Variants in VPS13B observed in about 807,000 individuals in gnomAD.
The protein encoded by VPS13B is intermembrane lipid transfer protein VPS13B.
VPS13B carries 285 observed loss-of-function variants against 426.4 expected under a neutral mutation model. That is an observed-to-expected ratio of 0.67 (90% CI 0.61 to 0.74). The LOEUF (loss-of-function observed/expected upper bound fraction) is 0.74. Ranked by LOEUF, VPS13B falls within the 30% of genes least tolerant of loss-of-function variation. VPS13B has a pLI of 0.00. For synonymous variants in VPS13B, 1,676 were observed against 1,676.4 expected, an observed-to-expected ratio of 1.00 and a Z score of 0.01; for missense variants, 4,537 against 4,782.6, an observed-to-expected ratio of 0.95 and a Z score of 1.51.
Position 99,671,512 on chromosome 8 carries a change from G to A in VPS13B, c.6046+10021G>A, listed in dbSNP as rs568848305. Among the ~76,000 whole-genome samples, 4 of 152,178 alleles carry A rather than the reference G, an allele frequency of 2.6e-5. No individual in the cohort carries two copies. The East Asian group carries it at 5.8e-4, about 22-fold the overall frequency. The stretch of plus-strand genomic sequence containing the variant: ...TCCTATTTTTGCTTTTGTTGCTGGT[G>A]CTTTTCAGATAATATCCAGAAAATC... On this transcript the variant is annotated intron_variant, in intron 35 of 61. Coordinates refer to ENST00000357162, the MANE Select transcript of VPS13B (RefSeq NM_152564.5).
intron 14 of VPS13B, among the ~76,000 whole-genome samples, chr8:99,153,080 G>A (rs565104577): frequency 9.9e-5 from 15 of 152,208 alleles, no homozygotes; most frequent in Non-Finnish European, 1.3e-4. Flanking sequence ...TGAGGTGAGC[G>A]GATCACCTGA....
At chr8:99,136,875 G>A (rs1810097864) in intron 12 of VPS13B, 123 bp downstream of exon 12, 1 of 942,658 alleles carries the variant, frequency 1.1e-6, no homozygotes, top group Non-Finnish European at 1.7e-6. Context: ...TAGTACTTTG[G>A]GGAGTGGTTT....
intron 34 of VPS13B, 112 bp downstream of exon 34, chr8:99,642,610 C>A: frequency 1.1e-6 from 1 of 939,882 alleles, no homozygotes; most frequent in Non-Finnish European, 1.6e-6. Flanking sequence ...AGTCTTTTCT[C>A]TACAGAATAT....
At chr8:99,844,649 C>A (rs1394892368) in intron 54 of VPS13B, among the ~76,000 whole-genome samples, 1 of 152,154 alleles carries the variant, frequency 6.6e-6, no homozygotes, top group Non-Finnish European at 1.5e-5. Flanking sequence ...AGATTACAGG[C>A]GTGAGCTACC....
chr8:99,044,916 G>A (rs1206379084), intron 3 of VPS13B, among the ~76,000 whole-genome samples: 2 of 139,826 alleles, frequency 1.4e-5, no homozygotes, highest in African/African-American at 2.8e-5. Context: ...CCGCCCCCAC[G>A]GTTTCTTTAT....
chr8:99,111,238 A>G lies in VPS13B; in HGVS notation c.721A>G (p.Thr241Ala). ...TTCCTTCAGAACTCGTCTTCATTTT[A>G]CATATGAAAACCTAAATTCCAAGAT... The part of the protein sequence containing the change: ...KCSFRTRLHF[T>A]YENLNSKMPS... The change falls in exon 6 of 62, where the codon ACA (threonine) becomes GCA (alanine). Residue 241 changes from threonine to alanine, a missense_variant. Thr to Ala is a moderately conservative substitution (Grantham distance 58). Around this residue, in one of 2 missense-constraint regions of VPS13B, gnomAD observed 226 missense variants for 308.3 expected, o/e 0.73. Transcript: ENST00000357162. The G allele has an allele frequency of 2.5e-6, 4 of 1,603,142 alleles. No homozygotes were observed. The highest frequency in any genetic ancestry group is 3.4e-6 in the Non-Finnish European group (4 of 1,175,944).
chr8:99,530,914 A>G (rs1204732838), intron 30 of VPS13B, among the ~76,000 whole-genome samples: 1 of 152,172 alleles, frequency 6.6e-6, no homozygotes, highest in African/African-American at 2.4e-5. Flanking sequence ...CGCTGCCTGT[A>G]TCTGAGTTTC....
intron 17 of VPS13B, among the ~76,000 whole-genome samples, chr8:99,240,168 G>C (rs1253193354): frequency 6.6e-6 from 1 of 152,084 alleles, no homozygotes; most frequent in Non-Finnish European, 1.5e-5. Context: ...ACTGCCAGGT[G>C]GACTCTGGGC....
intron 21 of VPS13B, among the ~76,000 whole-genome samples, chr8:99,394,007 A>G (rs749665362): frequency 3.3e-5 from 5 of 152,044 alleles, no homozygotes; most frequent in South Asian, 2.1e-4. Context: ...GAGTTTGTTA[A>G]GGTATTCATA....
chr8:99,786,911 T>A (rs1812300659), intron 43 of VPS13B, among the ~76,000 whole-genome samples: 1 of 152,154 alleles, frequency 6.6e-6, no homozygotes, highest in South Asian at 2.1e-4. Flanking sequence ...TCTGCTGTGT[T>A]CTAATGAGAG....
chr8:99,664,642 T>A (rs1314784970), intron 35 of VPS13B, among the ~76,000 whole-genome samples: 1 of 152,198 alleles, frequency 6.6e-6, no homozygotes, highest in Non-Finnish European at 1.5e-5. Flanking sequence ...ACAAAGGACA[T>A]GAACTCATCC....
chr8:99,507,570 A>G (rs1313396030), intron 28 of VPS13B, among the ~76,000 whole-genome samples: 1 of 152,256 alleles, frequency 6.6e-6, no homozygotes, highest in Non-Finnish European at 1.5e-5. Context: ...ATTTTATACT[A>G]AAAGCAATTA....
intron 25 of VPS13B, among the ~76,000 whole-genome samples, chr8:99,490,096 A>G (rs944969957): frequency 2.6e-5 from 4 of 152,146 alleles, no homozygotes; most frequent in African/African-American, 9.7e-5. Flanking sequence ...GTTTATTGAG[A>G]GTTTTTAGCA....
At chr8:99,068,324 T>C (rs1245964495) in intron 3 of VPS13B, among the ~76,000 whole-genome samples, 1 of 152,246 alleles carries the variant, frequency 6.6e-6, no homozygotes, top group East Asian at 1.9e-4. Flanking sequence ...TTGCCTTTTA[T>C]AATGAAATCA....
intron 44 of VPS13B, 118 bp downstream of exon 44, chr8:99,809,648 A>G (rs1588732348): frequency 3.3e-6 from 4 of 1,205,676 alleles, no homozygotes; most frequent in Non-Finnish European, 4.8e-6. Context: ...ATCTACTACT[A>G]CCATGCATGT....
At chr8:99,281,867 C>A (rs1327174231) in intron 19 of VPS13B, among the ~76,000 whole-genome samples, 1 of 152,138 alleles carries the variant, frequency 6.6e-6, no homozygotes, top group South Asian at 2.1e-4. Flanking sequence ...TTGACCCTGT[C>A]TTTGTATCTG....
At chr8:99,233,295 A>G (rs775833060) in intron 17 of VPS13B, 90 of 1,131,808 alleles carry the variant, frequency 8.0e-5, no homozygotes, top group Non-Finnish European at 1.1e-4. Flanking sequence ...CAGCTGTGGA[A>G]GAGAGCACTC....
At chr8:99,023,433 AT>A (rs1170525589) in intron 2 of VPS13B, among the ~76,000 whole-genome samples, 40 of 151,376 alleles carry the variant, frequency 2.6e-4, no homozygotes, top group African/African-American at 9.7e-4. Context: ...TTTTTCTGGC[AT>A]AATAGTATTC....
At chr8:99,516,823 A>ATGTAAGT (rs1369034706) in intron 29 of VPS13B, among the ~76,000 whole-genome samples, 2 of 144,340 alleles carry the variant, frequency 1.4e-5, no homozygotes, top group African/African-American at 2.5e-5. Flanking sequence ...AAAAAAGTAT[A>ATGTAAGT]TGTAAGTTGT....
Sources: gnomAD v4.1 joint callset for allele counts (sites outside exome capture counted in the v4.1 genomes callset) on GRCh38, gnomAD v4.1.1 for gene constraint, gnomAD v4.1.1 regional missense constraint, MANE v1.5 for transcripts, NCBI Gene and HGNC (gene_info 2026-07-23, HGNC 2026-07-21) for gene names.